Variants in NAE1 observed in about 807,000 individuals in gnomAD.
The protein encoded by NAE1 is NEDD8 activating enzyme E1 subunit 1.
A neutral mutation model predicts 88.0 loss-of-function variants in NAE1; 59 were observed. The observed-to-expected ratio is 0.67, with a 90% confidence interval of 0.54 to 0.83. The LOEUF (loss-of-function observed/expected upper bound fraction) is 0.83, where lower values mean the gene tolerates loss of function less well. NAE1 is among the 40% of genes least tolerant of loss of function. The pLI, the probability that NAE1 is intolerant of heterozygous loss-of-function variation, is 0.00. For missense variants in NAE1, 554 were observed against 632.8 expected (o/e 0.88, Z 1.34); for synonymous variants, 186 against 208.9 (o/e 0.89, Z 0.95).
intron 19 of NAE1, chr16:66,805,538 C>T (rs544402142): frequency 1.9e-5 from 7 of 373,770 alleles, no homozygotes; most frequent in South Asian, 1.6e-4. Context: ...ATTCAGGAGG[C>T]GGAGGCGAGA....
At chr16:66,817,789 T>C (rs1175455827) in intron 8 of NAE1, among the ~76,000 whole-genome samples, 1 of 152,178 alleles carries the variant, frequency 6.6e-6, no homozygotes, top group Non-Finnish European at 1.5e-5. Context: ...GAAAGGAGGA[T>C]CTTTTCTGTT....
intron 14 of NAE1, 37 bp from the exon 15 acceptor site, chr16:66,810,450 A>G (rs1381170998): frequency 1.3e-6 from 2 of 1,562,288 alleles, no homozygotes; most frequent in East Asian, 4.5e-5. Flanking sequence ...TTCCAGTTTA[A>G]AAGAGAAGAT....
In NAE1 at chr16:66,802,946, AG is replaced by A; in HGVS notation, c.*62del. Reference sequence around the variant, plus strand: ...TCTCCTTTAGAATTTTACAGACTAAAGCACAACCCGAAGGCAATTACAGTTT... The same window carrying A: ...TCTCCTTTAGAATTTTACAGACTAAACACAACCCGAAGGCAATTACAGTTT... On this transcript the variant is annotated 3_prime_UTR_variant, in exon 20 of 20. Coordinates refer to ENST00000290810, the MANE Select transcript of NAE1 (RefSeq NM_003905.4). 9.9e-7 allele frequency: 1 copy of A among 1,013,338 alleles called. No homozygotes were observed. The allele number at this position is 1,013,338 out of a possible 1,614,324, so 62.8% of individuals were successfully genotyped here.
At chr16:66,812,506 C>G (rs1567490045) in intron 13 of NAE1, among the ~76,000 whole-genome samples, 1 of 149,840 alleles carries the variant, frequency 6.7e-6, no homozygotes, top group Non-Finnish European at 1.5e-5. Flanking sequence ...GAATTGCCCC[C>G]TAAGTTCTTT....
intron 13 of NAE1, 110 bp from the exon 14 acceptor site, chr16:66,810,882 C>A: frequency 1.1e-6 from 1 of 877,394 alleles, no homozygotes; most frequent in Non-Finnish European, 1.8e-6. Context: ...ACAGGTCTGA[C>A]AATGTATGAA....
At chr16:66,830,531 C>A (rs2145363459) in intron 1 of NAE1, among the ~76,000 whole-genome samples, 1 of 152,342 alleles carries the variant, frequency 6.6e-6, no homozygotes, top group East Asian at 1.9e-4. Context: ...ATGCGGTGCG[C>A]CCCGGGCCTC....
chr16:66,827,567 C>CAAAA, intron 1 of NAE1: 1 of 139,240 alleles, frequency 7.2e-6, no homozygotes, highest in Non-Finnish European at 1.6e-5. Context: ...GACTCCGTCT[C>CAAAA]AAAAAAAAAA....
intron 4 of NAE1, 146 bp from the exon 5 acceptor site, chr16:66,823,746 T>C: frequency 1.5e-6 from 1 of 676,246 alleles, no homozygotes; most frequent in Non-Finnish European, 2.4e-6. Context: ...CTTTTTTCTT[T>C]TTAGAGACAG....
At chr16:66,830,585 C>A (rs970240927) in intron 1 of NAE1, among the ~76,000 whole-genome samples, 1 of 152,214 alleles carries the variant, frequency 6.6e-6, no homozygotes, top group African/African-American at 2.4e-5. Context: ...GGGCCGGCAG[C>A]CGCCTTAGCT....
At chr16:66,817,097 T>G in intron 9 of NAE1, 69 bp from the exon 10 acceptor site, 1 of 1,512,646 alleles carries the variant, frequency 6.6e-7, no homozygotes, top group South Asian at 1.3e-5. Flanking sequence ...AAGTCTAAAG[T>G]GTCCCCCATT....
intron 19 of NAE1, among the ~76,000 whole-genome samples, chr16:66,803,881 C>CCG (rs1959453196): frequency 6.6e-6 from 1 of 152,120 alleles, no homozygotes. Flanking sequence ...GCATTAGCCA[C>CCG]CGCGCTCAGC....
intron 15 of NAE1, among the ~76,000 whole-genome samples, chr16:66,810,049 A>G (rs1039864563): frequency 2.6e-5 from 4 of 152,170 alleles, no homozygotes; most frequent in Admixed American, 6.6e-5. Flanking sequence ...CTTCACACCC[A>G]AAGTCTTCAG....
In NAE1 at chr16:66,805,975, A is replaced by C; in HGVS notation, c.1382T>G (p.Leu461Arg). 1 of 1,613,596 alleles carries C rather than the reference A, an allele frequency of 6.2e-7. No individual in the cohort carries two copies. Among genetic ancestry groups the C allele is most frequent in the Non-Finnish European group, 8.5e-7 (1 of 1,179,834 alleles). ...ACCATATTCCTGAAGGAAGCCAGTGAGACAAGACTTCAACTTTCCTATATC... is the reference window on the plus strand; with the variant it reads ...ACCATATTCCTGAAGGAAGCCAGTGCGACAAGACTTCAACTTTCCTATATC... ...EEDIGKLKSC[L>R]TGFLQEYGLS... The change falls in exon 18 of 20, where the codon CTC becomes CGC. Residue 461 changes from leucine to arginine, a missense_variant. By Grantham distance (102) the Leu-to-Arg change is moderately radical (BLOSUM62 -2). Coordinates refer to ENST00000290810, the MANE Select transcript of NAE1 (RefSeq NM_003905.4).
At chr16:66,829,532 C>G (rs941863773) in intron 1 of NAE1, among the ~76,000 whole-genome samples, 1 of 152,208 alleles carries the variant, frequency 6.6e-6, no homozygotes, top group African/African-American at 2.4e-5. Flanking sequence ...CAAGGGTACT[C>G]TCAGAACTAA....
At chr16:66,827,953 T>TGGG (rs1462852907) in intron 1 of NAE1, 1 of 1,590,700 alleles carries the variant, frequency 6.3e-7, no homozygotes, top group Non-Finnish European at 8.6e-7. Context: ...CTAGAGTTGC[T>TGGG]GGGACTACAG....
intron 8 of NAE1, 53 bp downstream of exon 8, chr16:66,818,475 T>TA: frequency 7.1e-7 from 1 of 1,413,740 alleles, no homozygotes; most frequent in Non-Finnish European, 9.6e-7. Flanking sequence ...AACCTTAGGT[T>TA]AAAAAAATGT....
intron 4 of NAE1, among the ~76,000 whole-genome samples, chr16:66,823,963 C>T (rs1038529924): frequency 1.3e-5 from 2 of 152,170 alleles, no homozygotes; most frequent in African/African-American, 4.8e-5. Context: ...TCTTGAACTC[C>T]TGGTCTCAAG....
chr16:66,804,273 T>G (rs1227569253), intron 19 of NAE1, among the ~76,000 whole-genome samples: 1 of 152,026 alleles, frequency 6.6e-6, no homozygotes, highest in East Asian at 1.9e-4. Flanking sequence ...AACCTTCAAT[T>G]TATACTTTTT....
rs769111581 is a variant in NAE1 at position 66,805,953 on chromosome 16, A to G, written c.1404T>C (p.Tyr468=). 2 of 1,613,406 alleles carry G rather than the reference A, an allele frequency of 1.2e-6. No homozygotes were observed. Among genetic ancestry groups the G allele is most frequent in the East Asian group, 2.2e-5 (1 of 44,844 alleles). Residue 468 remains tyrosine, a synonymous_variant, in exon 18 of 20, where the codon TAT becomes TAC. Coordinates refer to ENST00000290810, the MANE Select transcript of NAE1 (RefSeq NM_003905.4). ...CATCTTTCACCATTACAGATAAACCATATTCCTGAAGGAAGCCAGTGAGAC... is the reference window on the plus strand; with the variant it reads ...CATCTTTCACCATTACAGATAAACCGTATTCCTGAAGGAAGCCAGTGAGAC... ...KSCLTGFLQE[Y]GLSVMVKDDY...
Sources: allele counts gnomAD v4.1 joint callset (sites outside exome capture counted in the v4.1 genomes callset), GRCh38; gene constraint gnomAD v4.1.1; transcripts MANE v1.5; gene names NCBI Gene and HGNC (gene_info 2026-07-23, HGNC 2026-07-21).